The following APOD variants were observed in gnomAD, a reference collection of about 807,000 sequenced individuals.
APOD encodes the protein apo-D.
APOD carries 22 observed loss-of-function variants against 20.4 expected under a neutral mutation model. The observed-to-expected ratio is 1.08, with a 90% CI of 0.77 to 1.54. The LOEUF (loss-of-function observed/expected upper bound fraction) is 1.54, where lower values mean the gene tolerates loss of function less well. Among genes scored for constraint, APOD ranks in the 40% most tolerant of loss-of-function variants. The probability of loss-of-function intolerance (pLI) is 0.00; values close to 1 mark genes in which losing one functional copy is unlikely to be tolerated. For synonymous variants in APOD, 97 were observed against 92.4 expected, an observed-to-expected ratio of 1.05 and a Z score of -0.29; for missense variants, 223 against 229.6, an observed-to-expected ratio of 0.97 and a Z score of 0.19.
Position 195,571,538 on chromosome 3 carries a change from C to T in APOD, c.246-173G>A, listed in dbSNP as rs1004226850. Among the ~76,000 whole-genome samples, 6 of 152,156 alleles carry T rather than the reference C, an allele frequency of 3.9e-5. No individual in the cohort carries two copies. The East Asian group carries it at 1.2e-3, about 29-fold the overall frequency. On this transcript the variant is annotated intron_variant, in intron 3 of 4. Coordinates refer to ENST00000343267, the MANE Select transcript of APOD (RefSeq NM_001647.4). ...TCAAAGGCAGGCTAGACCCTAGCTCCATGGCCTGGCCTTTCCCTTGTGACT... is the reference window on the plus strand; with the variant it reads ...TCAAAGGCAGGCTAGACCCTAGCTCTATGGCCTGGCCTTTCCCTTGTGACT...
At chr3:195,575,398 G>A (rs543414406) in intron 2 of APOD, among the ~76,000 whole-genome samples, 2 of 152,136 alleles carry the variant, frequency 1.3e-5, no homozygotes, top group Non-Finnish European at 2.9e-5. Flanking sequence ...CATTCACAAG[G>A]TTAGGGCGTG....
intron 2 of APOD, 76 bp from the exon 3 acceptor site, chr3:195,574,047 C>T (rs1243746854): frequency 4.5e-5 from 71 of 1,576,418 alleles, no homozygotes; most frequent in East Asian, 6.8e-5. Context: ...GTCGTGCAGA[C>T]GCAGAGCCCT....
In APOD at chr3:195,571,381, A is replaced by C; in HGVS notation, c.246-16T>G. The C allele has an allele frequency of 6.3e-7, 1 of 1,591,152 alleles. No individual in the cohort carries two copies. The highest frequency in any genetic ancestry group is 8.5e-7 in the Non-Finnish European group (1 of 1,172,074). ...TCCATCAGCTCTGCAGTGAGTTAAA[A>C]AAAGAAAAAATACAAAAAACGAAAA... On this transcript the variant is annotated splice_polypyrimidine_tract_variant and intron_variant, in intron 3 of 4. Transcript: ENST00000343267.
intron 3 of APOD, among the ~76,000 whole-genome samples, chr3:195,572,549 T>C (rs1720179277): frequency 6.6e-6 from 1 of 152,080 alleles, no homozygotes; most frequent in African/African-American, 2.4e-5. Flanking sequence ...AATGGCCCCA[T>C]GAACTTGGGA....
chr3:195,578,222 T>C (rs1720277715), intron 2 of APOD, among the ~76,000 whole-genome samples: 1 of 152,144 alleles, frequency 6.6e-6, no homozygotes, highest in Non-Finnish European at 1.5e-5. Context: ...CTTTAAAGCC[T>C]CTCTGTGGTC....
Position 195,568,914 on chromosome 3 carries a change from G to T in APOD, c.556C>A (p.Pro186Thr). The change falls in exon 5 of 5, where the codon CCC becomes ACC. Residue 186 changes from proline (P) to threonine (T), a missense_variant. Transcript: ENST00000343267. ...KMTVTDQVNC[P>T]KLS ...GTAGAACCTGGTTACGAGAGCTTGGGGCAGTTCACCTGGTCTGTGACCGTC... is the reference window on the plus strand; with the variant it reads ...GTAGAACCTGGTTACGAGAGCTTGGTGCAGTTCACCTGGTCTGTGACCGTC... 6.2e-7 allele frequency: 1 copy of T among 1,613,590 alleles called. No homozygotes were observed. Among genetic ancestry groups the T allele is most frequent in the Non-Finnish European group, 8.5e-7 (1 of 1,179,688 alleles).
intron 3 of APOD, among the ~76,000 whole-genome samples, 190 bp downstream of exon 3, chr3:195,573,660 A>C (rs1490419757): frequency 6.6e-6 from 1 of 152,216 alleles, no homozygotes; most frequent in Non-Finnish European, 1.5e-5. Flanking sequence ...GCAGGTGGTC[A>C]TGGAAATGCA....
chr3:195,571,489 C>T (rs537742391), intron 3 of APOD, 124 bp from the exon 4 acceptor site: 52 of 805,610 alleles, frequency 6.5e-5, no homozygotes, highest in South Asian at 5.3e-4. Flanking sequence ...CAGCCAACAC[C>T]GTGATTTCTG....
chr3:195,580,204 G>A (rs2108971166), intron 1 of APOD, among the ~76,000 whole-genome samples: 1 of 152,260 alleles, frequency 6.6e-6, no homozygotes, highest in African/African-American at 2.4e-5. Flanking sequence ...CCTAGCTCAT[G>A]AATTTTTGTG....
At chr3:195,578,300 T>A (rs1241684240) in intron 2 of APOD, among the ~76,000 whole-genome samples, 1 of 152,158 alleles carries the variant, frequency 6.6e-6, no homozygotes, top group Non-Finnish European at 1.5e-5. Flanking sequence ...GTTAGTGTAC[T>A]CTATGGCCTC....
intron 2 of APOD, among the ~76,000 whole-genome samples, chr3:195,575,043 C>T (rs1720226627): frequency 6.6e-6 from 1 of 152,258 alleles, no homozygotes; most frequent in African/African-American, 2.4e-5. Context: ...ACAGGTCTCA[C>T]TGGGCTGAAC....
At position 195,569,087 on chromosome 3, in the gene APOD, T is replaced by C. The variant is rs150664052; in HGVS notation, c.383A>G (p.Tyr128Cys). Residue 128 changes from tyrosine to cysteine, a missense_variant, in exon 5 of 5, where the codon TAT becomes TGT. Coordinates refer to ENST00000343267, the MANE Select transcript of APOD (RefSeq NM_001647.4). Reference sequence around the variant, plus strand: ...GCAGGTACAGGAATACACGAGGGCATAGTTCTCATAGTCGGTGGCCAGGAT... The same window carrying C: ...GCAGGTACAGGAATACACGAGGGCACAGTTCTCATAGTCGGTGGCCAGGAT... ...YWILATDYEN[Y>C]ALVYSCTCII... is the part of the protein sequence containing the mutation. The C allele has an allele frequency of 3.2e-4, 524 of 1,614,168 alleles. 2 individuals are homozygous for C. In the African/African-American group the frequency reaches 6.5e-3, roughly 20 times the overall value.
chr3:195,568,837 G>GGGGGGGGGGT lies in APOD; in HGVS notation c.*62_*63insACCCCCCCCC, dbSNP rs1553889310. The GGGGGGGGGGT allele has an allele frequency of 8.9e-5, 87 of 982,828 alleles. No individual in the cohort carries two copies. Among genetic ancestry groups the GGGGGGGGGGT allele is most frequent in the African/African-American group, 5.3e-4 (28 of 52,510 alleles). 60.9% of individuals were successfully genotyped at this position (982,828 alleles called of 1,614,324 possible). ...GTTGATTGGTTTGTCTTTATGGGGG[G>GGGGGGGGGGT]GGGGTAGGGGAAAGCGAAGCAGAAG... On this transcript the variant is annotated 3_prime_UTR_variant, in exon 5 of 5. Coordinates refer to ENST00000343267, the MANE Select transcript of APOD (RefSeq NM_001647.4).
intron 4 of APOD, 187 bp downstream of exon 4, chr3:195,571,090 G>T: frequency 1.6e-6 from 1 of 627,386 alleles, no homozygotes; most frequent in Non-Finnish European, 2.9e-6. Flanking sequence ...AAGTACCAAG[G>T]CCAGCTCTGT....
At chr3:195,571,138 T>G (rs1169949375) in intron 4 of APOD, 139 bp downstream of exon 4, 1 of 789,462 alleles carries the variant, frequency 1.3e-6, no homozygotes, top group Non-Finnish European at 2.2e-6. Flanking sequence ...TGACATGTAG[T>G]AAGTGTTTGA....
chr3:195,582,792 G>T (rs991497482), intron 1 of APOD: 1 of 152,042 alleles, frequency 6.6e-6, no homozygotes, highest in African/African-American at 2.4e-5. Context: ...AATTAGCTGG[G>T]CATGGTGGTG....
rs778321838 is a variant in APOD, at chr3:195,571,291, A to C, written c.320T>G (p.Val107Gly). The change falls in exon 4 of 5, where the codon GTT becomes GGT. Residue 107 changes from valine (V) to glycine (G), a missense_variant. Coordinates refer to ENST00000343267, the MANE Select transcript of APOD (RefSeq NM_001647.4). ...TGGATACTTACACCAGGAAAACTTA[A>C]CTTCCAGCTTGGCAGGCTCTGTGAG... ...VNLTEPAKLE[V>G]KFSWFMPSAP... is the part of the protein sequence containing the mutation. 3.1e-6 allele frequency: 5 copies of C among 1,614,062 alleles called. No homozygotes were observed. In the South Asian group the frequency reaches 5.5e-5, roughly 18 times the overall value.
chr3:195,581,251 G>A (rs1720333632), intron 1 of APOD, among the ~76,000 whole-genome samples: 1 of 152,142 alleles, frequency 6.6e-6, no homozygotes, highest in Admixed American at 6.5e-5. Context: ...CTTTGAGCAA[G>A]TCTGCCACAG....
chr3:195,579,347 C>G lies in APOD; in HGVS notation c.115G>C (p.Val39Leu). The part of the protein sequence containing the change: ...PNPPVQENFD[V>L]NKYLGRWYEI... ...GGAGGTTCGCCTTTTACCTTATTCA[C>G]GTCAAAATTCTCCTGCACCGGAGGA... Residue 39 changes from valine (V) to leucine (L), a missense_variant, in exon 2 of 5, where the codon GTG (valine) becomes CTG (leucine). By Grantham distance (32) the Val-to-Leu change is conservative. Coordinates refer to ENST00000343267, the MANE Select transcript of APOD (RefSeq NM_001647.4). The G allele has an allele frequency of 1.2e-6, 2 of 1,614,206 alleles. No homozygotes were observed. The highest frequency in any genetic ancestry group is 1.7e-6 in the Non-Finnish European group (2 of 1,180,030).
Sources: gnomAD v4.1 joint callset for allele counts (sites outside exome capture counted in the v4.1 genomes callset) on GRCh38, gnomAD v4.1.1 for gene constraint, MANE v1.5 for transcripts, NCBI Gene and HGNC (gene_info 2026-07-23, HGNC 2026-07-21) for gene names.